The following CACNA1G variants were observed in gnomAD, a reference collection of about 807,000 sequenced individuals.
CACNA1G encodes the protein calcium voltage-gated channel subunit alpha1 G.
A neutral mutation model predicts 219.4 loss-of-function variants in CACNA1G; 67 were observed. That is an observed-to-expected ratio of 0.31 (90% CI 0.25 to 0.37). The LOEUF (loss-of-function observed/expected upper bound fraction) is 0.37. Among genes scored for constraint, CACNA1G ranks in the 10% least tolerant of loss-of-function variants. CACNA1G has a pLI of 1.00. For synonymous variants in CACNA1G, 1,296 were observed against 1,345.3 expected (o/e 0.96, Z 0.80); for missense variants, 2,380 against 3,231.4 (o/e 0.74, Z 6.39).
At chr17:50,615,291 G>A (rs909565835) in intron 26 of CACNA1G, 70 bp from the exon 27 acceptor site, 21 of 1,392,354 alleles carry the variant, frequency 1.5e-5, no homozygotes, top group Non-Finnish European at 1.8e-5. Flanking sequence ...TGGCTGTGAG[G>A]GACTGGGGGT....
intron 13 of CACNA1G, among the ~76,000 whole-genome samples, chr17:50,594,748 C>T (rs1182965255): frequency 1.3e-5 from 2 of 152,112 alleles, no homozygotes; most frequent in Non-Finnish European, 2.9e-5. Context: ...GGGGACCTGC[C>T]CTTGTCCCCA....
chr17:50,605,805 T>A, intron 22 of CACNA1G, 93 bp from the exon 23 acceptor site: 1 of 1,417,446 alleles, frequency 7.1e-7, no homozygotes, highest in East Asian at 2.4e-5. Flanking sequence ...TCACTCAAAA[T>A]GTGCCCAGGC....
At chr17:50,589,663 G>A (rs919209293) in intron 9 of CACNA1G, among the ~76,000 whole-genome samples, 1 of 152,152 alleles carries the variant, frequency 6.6e-6, no homozygotes, top group African/African-American at 2.4e-5. Flanking sequence ...TCCCAGACTC[G>A]GGTAGGGAGC....
chr17:50,564,939 G>A (rs1283523779), intron 1 of CACNA1G, among the ~76,000 whole-genome samples: 1 of 151,964 alleles, frequency 6.6e-6, no homozygotes. Flanking sequence ...CTTCCCACCC[G>A]CTCTGCTCCA....
rs1598797527 is a variant in CACNA1G at position 50,621,530 on chromosome 17, C to G, written c.5926-130C>G. On this transcript the variant is annotated intron_variant, in intron 34 of 37. Transcript: ENST00000359106. This position sits in a 1 kb window ranked among gnomAD's most constrained non-coding sequence, Gnocchi z 4.6. ...AAAGGGTGGGGAGAGAGAAGGGATGCCTTTTTCCCGCCCCCCTGTGCTTCG... is the reference window on the plus strand; with the variant it reads ...AAAGGGTGGGGAGAGAGAAGGGATGGCTTTTTCCCGCCCCCCTGTGCTTCG... The G allele has an allele frequency of 2.0e-6, 2 of 980,738 alleles. No individual in the cohort carries two copies. Among genetic ancestry groups the G allele is most frequent in the East Asian group, 2.6e-5 (1 of 38,408 alleles). The allele number at this position is 980,738 out of a possible 1,614,324, so 60.8% of individuals were successfully genotyped here. A position where few individuals can be genotyped will look rare whatever the true frequency, so the allele number is the denominator to read the frequency against.
At chr17:50,590,360 G>C in intron 9 of CACNA1G, 111 bp from the exon 10 acceptor site, 1 of 1,233,194 alleles carries the variant, frequency 8.1e-7, no homozygotes. Context: ...CAACCCCTCC[G>C]CACAAGCTTG....
chr17:50,601,816 G>C (rs949886267), intron 19 of CACNA1G, among the ~76,000 whole-genome samples: 2 of 152,168 alleles, frequency 1.3e-5, no homozygotes, highest in African/African-American at 4.8e-5. Flanking sequence ...AGGATGGGTG[G>C]GGGGTGGTTG....
At chr17:50,623,841 G>A (rs1287663687) in intron 35 of CACNA1G, 66 bp from the exon 36 acceptor site, 17 of 1,523,866 alleles carry the variant, frequency 1.1e-5, no homozygotes, top group Admixed American at 1.8e-5. Context: ...TGTTGTCAGC[G>A]CTGCCTCAGT....
rs2051867986 is a variant in CACNA1G at position 50,621,201 on chromosome 17, G to A, written c.5926-459G>A. Among the ~76,000 whole-genome samples the A allele has an allele frequency of 6.6e-6, 1 of 152,192 alleles. No homozygotes were observed. The highest frequency in any genetic ancestry group is 2.1e-4 in the South Asian group (1 of 4,836). ...CCGTCAGATTGGTGGCATTGTCGCC[G>A]GCGCCCCCCGTGCCGCTCTGTCTGT... On this transcript the variant is annotated intron_variant, in intron 34 of 37. Coordinates refer to ENST00000359106, the MANE Select transcript of CACNA1G (RefSeq NM_018896.5). This position sits in a 1 kb window ranked among gnomAD's most constrained non-coding sequence, Gnocchi z 4.6.
In CACNA1G at chr17:50,626,060, G is replaced by C; in HGVS notation, c.6443G>C (p.Ser2148Thr). Residue 2148 changes from serine to threonine, a missense_variant, in exon 38 of 38, where the codon AGC becomes ACC. By Grantham distance (58) the Ser-to-Thr change is moderately conservative. Around this residue, in one of 17 missense-constraint regions of CACNA1G, gnomAD observed 672 missense variants for 670.5 expected, o/e 1.00. Transcript: ENST00000359106. This position sits in a 1 kb window ranked among gnomAD's most constrained non-coding sequence, Gnocchi z 4.3. Reference sequence around the variant, plus strand: ...TCCTTGGACGTTCAGGGTCTGGGCAGCCGGGAAGACCTGCTGGCAGAGGTG... The same window carrying C: ...TCCTTGGACGTTCAGGGTCTGGGCACCCGGGAAGACCTGCTGGCAGAGGTG... ...TDSLDVQGLGSREDLLAEVSG... is the reference protein window; with the variant it reads ...TDSLDVQGLGTREDLLAEVSG... 1 of 1,613,310 alleles carries C rather than the reference G, an allele frequency of 6.2e-7. No homozygotes were observed.
Position 50,617,636 on chromosome 17 carries a change from C to T in CACNA1G, c.5155+65C>T, listed in dbSNP as rs570258398. On this transcript the variant is annotated intron_variant, in intron 29 of 37. Transcript: ENST00000359106. The surrounding 1 kb of genome is among the most constrained non-coding windows in gnomAD (Gnocchi z 5.8). ...CAGCCCAGGGAGAGAGAGCAAGGGT[C>T]GGCTTTGTGGCTGGTCAAGGCCTGG... The T allele has an allele frequency of 9.5e-6, 15 of 1,578,790 alleles. No homozygotes were observed. Among genetic ancestry groups the T allele is most frequent in the East Asian group, 6.8e-5 (3 of 44,038 alleles).
At chr17:50,599,360 C>A in intron 16 of CACNA1G, 68 bp from the exon 17 acceptor site, 1 of 1,341,668 alleles carries the variant, frequency 7.5e-7, no homozygotes. Flanking sequence ...CCCAGGAGAC[C>A]GGGTGCACAT....
In CACNA1G at chr17:50,626,497, C is replaced by A; in HGVS notation, c.6880C>A (p.Pro2294Thr). The A allele has an allele frequency of 6.3e-7, 1 of 1,586,388 alleles. No individual in the cohort carries two copies. Among genetic ancestry groups the A allele is most frequent in the Non-Finnish European group, 8.6e-7 (1 of 1,167,776 alleles). ...GTDPSNLGGQ[P>T]LGGPGSRPKK... ...AGACCCCTCTAACCTTGGGGGCCAG[C>A]CTCTTGGGGGGCCTGGGAGCCGGCC... The change falls in exon 38 of 38, where the codon CCT (proline) becomes ACT (threonine). Residue 2294 changes from proline (P) to threonine (T), a missense_variant. Pro to Thr is a conservative substitution (Grantham distance 38). This residue lies in a region of CACNA1G where 672 missense variants were observed against 670.5 expected (regional missense o/e 1.00). Transcript: ENST00000359106. This position sits in a 1 kb window ranked among gnomAD's most constrained non-coding sequence, Gnocchi z 4.3.
chr17:50,604,075 G>C, intron 21 of CACNA1G, 80 bp from the exon 22 acceptor site: 1 of 1,458,130 alleles, frequency 6.9e-7, no homozygotes, highest in Admixed American at 2.1e-5. Context: ...GTCAAGGTTG[G>C]GGGTGGGGAG....
intron 9 of CACNA1G, among the ~76,000 whole-genome samples, chr17:50,589,380 C>T (rs1409752259): frequency 6.6e-6 from 1 of 152,226 alleles, no homozygotes; most frequent in Non-Finnish European, 1.5e-5. Flanking sequence ...AACTCCCGGA[C>T]TTGCTGCCTG....
chr17:50,607,161 G>T (rs572017618), intron 24 of CACNA1G, 172 bp downstream of exon 24: 1 of 684,328 alleles, frequency 1.5e-6, no homozygotes, highest in Admixed American at 2.0e-5. Context: ...TGTTTTATTG[G>T]TCTACAACAT....
Position 50,575,873 on chromosome 17 carries a change from G to C in CACNA1G, c.1471G>C (p.Val491Leu). The C allele has an allele frequency of 6.4e-7, 1 of 1,553,240 alleles. No homozygotes were observed. The highest frequency in any genetic ancestry group is 1.4e-5 in the African/African-American group (1 of 73,384). Reference sequence around the variant, plus strand: ...CTCTCGCTCCCACCGCCGCCTATCCGTCCACCACCTGGTGCACCACCACCA... The same window carrying C: ...CTCTCGCTCCCACCGCCGCCTATCCCTCCACCACCTGGTGCACCACCACCA... ...SCSRSHRRLS[V>L]HHLVHHHHHH... Residue 491 changes from valine (V) to leucine (L), a missense_variant, in exon 8 of 38, where the codon GTC (valine) becomes CTC (leucine). By Grantham distance (32) the Val-to-Leu change is conservative. Around this residue, in one of 17 missense-constraint regions of CACNA1G, gnomAD observed 434 missense variants for 417.3 expected, o/e 1.04. Coordinates refer to ENST00000359106, the MANE Select transcript of CACNA1G (RefSeq NM_018896.5).
chr17:50,622,817 C>A (rs1476295503), intron 35 of CACNA1G, among the ~76,000 whole-genome samples: 1 of 152,154 alleles, frequency 6.6e-6, no homozygotes, highest in African/African-American at 2.4e-5. Context: ...ACTAAGGGAG[C>A]AGCTGAATTT....
chr17:50,618,219 C>A lies in CACNA1G; in HGVS notation c.5306-3C>A, dbSNP rs776886139. 7 of 1,613,524 alleles carry A rather than the reference C, an allele frequency of 4.3e-6. No individual in the cohort carries two copies. Among genetic ancestry groups the A allele is most frequent in the East Asian group, 2.2e-5 (1 of 44,874 alleles). On this transcript the variant is annotated splice_region_variant and splice_polypyrimidine_tract_variant and intron_variant, in intron 31 of 37. Transcript: ENST00000359106. The surrounding 1 kb of genome is among the most constrained non-coding windows in gnomAD (Gnocchi z 5.3). Reference sequence around the variant, plus strand: ...GCCTCTCCCCCTTTCCCTCCTCCCCCAGAGTGTGACGAGACACACCCCTGT... The same window carrying A: ...GCCTCTCCCCCTTTCCCTCCTCCCCAAGAGTGTGACGAGACACACCCCTGT...
Sources: allele counts gnomAD v4.1 joint callset (sites outside exome capture counted in the v4.1 genomes callset), GRCh38; gene constraint gnomAD v4.1.1; regional missense constraint gnomAD v4.1.1; non-coding constraint Gnocchi (gnomAD v3.1); transcripts MANE v1.5; gene names NCBI Gene and HGNC (gene_info 2026-07-23, HGNC 2026-07-21).